LGR5: variants seen among roughly 807,000 people sequenced by gnomAD.
LGR5 encodes the protein leucine rich repeat containing G protein-coupled receptor 5.
Under a neutral mutation model 76.7 loss-of-function variants are expected in LGR5, and 54 were observed. The observed-to-expected ratio is 0.70, with a 90% CI of 0.57 to 0.88. The LOEUF is 0.88. Ranked by LOEUF, LGR5 falls within the 40% of genes least tolerant of loss-of-function variation. The pLI is 0.00. For missense variants in LGR5, 1,078 were observed against 1,073.3 expected, an observed-to-expected ratio of 1.00 and a Z score of -0.06; for synonymous variants, 406 against 421.9, an observed-to-expected ratio of 0.96 and a Z score of 0.46.
intron 1 of LGR5, among the ~76,000 whole-genome samples, chr12:71,447,171 A>G (rs1214057280): frequency 6.6e-6 from 1 of 152,192 alleles, no homozygotes; most frequent in Non-Finnish European, 1.5e-5. Flanking sequence ...CATTTGATTC[A>G]CAATAGAAAA....
intron 4 of LGR5, among the ~76,000 whole-genome samples, chr12:71,538,239 A>G (rs777305217): frequency 4.6e-5 from 7 of 152,212 alleles, no homozygotes; most frequent in Non-Finnish European, 8.8e-5. Context: ...CTGGCCAGGT[A>G]TGGTGGCTCA....
At chr12:71,574,091 C>T (rs10879302) in intron 13 of LGR5, among the ~76,000 whole-genome samples, 27,534 of 151,312 alleles carry the variant, frequency 0.18, 2,873 homozygotes, top group East Asian at 0.44. Context: ...ATCACGAGGT[C>T]AGGAGTTCGA....
At chr12:71,552,061 A>T (rs948501513) in intron 4 of LGR5, among the ~76,000 whole-genome samples, 4 of 151,818 alleles carry the variant, frequency 2.6e-5, no homozygotes, top group South Asian at 4.2e-4. Context: ...AGAGAGGGGA[A>T]CATCATACAT....
chr12:71,557,429 T>C (rs1877825786), intron 6 of LGR5, among the ~76,000 whole-genome samples: 1 of 152,224 alleles, frequency 6.6e-6, no homozygotes, highest in African/African-American at 2.4e-5. Context: ...CTATCCCATT[T>C]TAGGCTCTAG....
At chr12:71,562,211 A>G (rs1592547657) in intron 8 of LGR5, among the ~76,000 whole-genome samples, 1 of 152,182 alleles carries the variant, frequency 6.6e-6, no homozygotes, top group East Asian at 1.9e-4. Context: ...TACTAGAAAT[A>G]TAAATTATTA....
At chr12:71,548,298 G>T (rs1027707163) in intron 4 of LGR5, among the ~76,000 whole-genome samples, 9 of 54,916 alleles carry the variant, frequency 1.6e-4, no homozygotes, top group Non-Finnish European at 3.1e-4. Context: ...TTGCCTTGTT[G>T]CACTGTGTGT....
chr12:71,535,083 TAACA>T, intron 3 of LGR5, 28 bp from the exon 4 acceptor site: 1 of 1,509,984 alleles, frequency 6.6e-7, no homozygotes, highest in South Asian at 1.1e-5. Context: ...TCATTTTTTT[TAACA>T]TTTTTCTTTA....
intron 2 of LGR5, among the ~76,000 whole-genome samples, chr12:71,511,897 C>G (rs766578074): frequency 1.5e-4 from 23 of 152,126 alleles, no homozygotes; most frequent in Non-Finnish European, 2.9e-5. Flanking sequence ...CATAATTCCA[C>G]CTTGTCTTTC....
intron 5 of LGR5, among the ~76,000 whole-genome samples, chr12:71,556,417 TA>T (rs1228026535): frequency 6.6e-6 from 1 of 152,290 alleles, no homozygotes; most frequent in East Asian, 1.9e-4. Context: ...AGCTAAAAGG[TA>T]AAAAACTGTG....
chr12:71,553,862 G>T (rs772258685), intron 5 of LGR5, among the ~76,000 whole-genome samples: 1 of 152,136 alleles, frequency 6.6e-6, no homozygotes, highest in African/African-American at 2.4e-5. Context: ...AAGCCAAGGC[G>T]GGTGTATCAC....
chr12:71,544,091 A>T lies in LGR5; in HGVS notation c.428+8905A>T, dbSNP rs1877017205. Among the ~76,000 whole-genome samples the T allele has an allele frequency of 2.0e-5, 3 of 152,240 alleles. No individual in the cohort carries two copies. In the South Asian group the frequency reaches 6.2e-4, roughly 32 times the overall value. On this transcript the variant is annotated intron_variant, in intron 4 of 17. Coordinates refer to ENST00000266674, the MANE Select transcript of LGR5 (RefSeq NM_003667.4). ...GATTTGACTTTAAAATATATTCCTT[A>T]TTGGAGTCTTGCACTCCTCAAAGAC...
chr12:71,584,948 G>A lies in LGR5; in HGVS notation c.*214G>A, dbSNP rs17109926. The A allele has an allele frequency of 0.2, 106,978 of 542,576 alleles. 11,603 individuals are homozygous for A. The highest frequency in any genetic ancestry group is 0.4 in the East Asian group (13,540 of 34,248). The allele number at this position is 542,576 out of a possible 1,614,324, so 33.6% of individuals were successfully genotyped here. ...GCTTTGTATAATTTGTTCAGCTAAG[G>A]GATAGATCGATCACACTATTTAAGT... On this transcript the variant is annotated 3_prime_UTR_variant, in exon 18 of 18. Coordinates refer to ENST00000266674, the MANE Select transcript of LGR5 (RefSeq NM_003667.4).
At chr12:71,564,018 C>T (rs1199494601) in intron 8 of LGR5, among the ~76,000 whole-genome samples, 3 of 22,648 alleles carry the variant, frequency 1.3e-4, no homozygotes, top group African/African-American at 2.8e-4. Context: ...ACACACGCAC[C>T]GTGTATATAT....
intron 6 of LGR5, among the ~76,000 whole-genome samples, chr12:71,557,173 C>T (rs1164745148): frequency 1.3e-5 from 2 of 152,146 alleles, no homozygotes; most frequent in African/African-American, 4.8e-5. Flanking sequence ...GTAATCCTAA[C>T]ACTTGGGAAG....
chr12:71,532,511 G>A (rs1016936970), intron 3 of LGR5, among the ~76,000 whole-genome samples: 1 of 152,030 alleles, frequency 6.6e-6, no homozygotes, highest in Non-Finnish European at 1.5e-5. Context: ...ACGTAATTAC[G>A]TTCCTTAGAA....
At chr12:71,540,582 C>T (rs369044678) in intron 4 of LGR5, among the ~76,000 whole-genome samples, 7 of 152,026 alleles carry the variant, frequency 4.6e-5, no homozygotes, top group African/African-American at 1.4e-4. Context: ...ATAACTTCAT[C>T]GGATTCTGCA....
chr12:71,546,323 T>TAC (rs1877162994), intron 4 of LGR5, among the ~76,000 whole-genome samples: 1 of 150,444 alleles, frequency 6.6e-6, no homozygotes, highest in Admixed American at 6.7e-5. Context: ...TCAAAATATA[T>TAC]ATATATATAT....
At chr12:71,455,696 G>A (rs1450906761) in intron 1 of LGR5, among the ~76,000 whole-genome samples, 1 of 152,088 alleles carries the variant, frequency 6.6e-6, no homozygotes, top group Non-Finnish European at 1.5e-5. Flanking sequence ...CTAATTCCCA[G>A]TAGTGCTAAC....
At chr12:71,445,078 A>G (rs371061950) in intron 1 of LGR5, among the ~76,000 whole-genome samples, 3 of 152,216 alleles carry the variant, frequency 2.0e-5, no homozygotes, top group African/African-American at 4.8e-5. Context: ...CCAATGAGCA[A>G]TTTTGTGAAG....
Sources: allele counts gnomAD v4.1 joint callset (sites outside exome capture counted in the v4.1 genomes callset), GRCh38; gene constraint gnomAD v4.1.1; transcripts MANE v1.5; gene names NCBI Gene and HGNC (gene_info 2026-07-23, HGNC 2026-07-21).